The following AAK1 variants were observed in gnomAD, a reference collection of about 807,000 sequenced individuals.
The protein encoded by AAK1 is AP2-associated protein kinase 1.
AAK1 carries 37 observed loss-of-function variants against 116.0 expected under a neutral mutation model. The ratio of observed to expected loss-of-function variants is 0.32; its 90% CI spans 0.25 to 0.42. AAK1 has a LOEUF of 0.42. AAK1 is among the 10% of genes least tolerant of loss of function. The pLI, the probability that AAK1 is intolerant of heterozygous loss-of-function variation, is 1.00. For synonymous variants in AAK1, 458 were observed against 439.9 expected, an observed-to-expected ratio of 1.04 and a Z score of -0.51; for missense variants, 919 against 1,170.6, an observed-to-expected ratio of 0.79 and a Z score of 3.14.
chr2:69,582,148 C>A (rs1440588030), intron 2 of AAK1, among the ~76,000 whole-genome samples: 1 of 152,034 alleles, frequency 6.6e-6, no homozygotes, highest in Non-Finnish European at 1.5e-5. Flanking sequence ...AAATAAATAG[C>A]TAAATGCTGA....
chr2:69,485,391 T>G (rs1675253562), intron 17 of AAK1, among the ~76,000 whole-genome samples: 6 of 152,220 alleles, frequency 3.9e-5, no homozygotes, highest in Admixed American at 3.9e-4. Flanking sequence ...TCCTCATCTG[T>G]AAAATGGAGA....
chr2:69,561,989 G>A (rs975967068), intron 2 of AAK1, among the ~76,000 whole-genome samples: 1 of 152,082 alleles, frequency 6.6e-6, no homozygotes, highest in Non-Finnish European at 1.5e-5. Flanking sequence ...ACCTGTTGAA[G>A]GACATGTGAA....
intron 5 of AAK1, among the ~76,000 whole-genome samples, 160 bp from the exon 6 acceptor site, chr2:69,532,322 C>G (rs1012167602): frequency 6.6e-6 from 1 of 152,088 alleles, no homozygotes; most frequent in African/African-American, 2.4e-5. Flanking sequence ...GGGGTCATCC[C>G]AAGTGGAACA....
At chr2:69,539,610 A>T (rs1450592764) in intron 5 of AAK1, among the ~76,000 whole-genome samples, 1 of 152,152 alleles carries the variant, frequency 6.6e-6, no homozygotes, top group African/African-American at 2.4e-5. Flanking sequence ...AATTTTACTC[A>T]TTGTTAAAGG....
At position 69,467,850 on chromosome 2, in the gene AAK1, T is replaced by C. The variant is rs923792012; in HGVS notation, c.*8019A>G. The C allele has an allele frequency of 1.6e-5, 16 of 985,278 alleles. No individual in the cohort carries two copies. Among genetic ancestry groups the C allele is most frequent in the Non-Finnish European group, 1.9e-5 (16 of 829,900 alleles). 61.0% of individuals were successfully genotyped at this position (985,278 alleles called of 1,614,324 possible). Reference sequence around the variant, plus strand: ...GAGACATTACATTGTAAAGAGAATGTAGAGAGAGGTCTGAACATTTTATAA... The same window carrying C: ...GAGACATTACATTGTAAAGAGAATGCAGAGAGAGGTCTGAACATTTTATAA... On this transcript the variant is annotated 3_prime_UTR_variant, in exon 22 of 22. Transcript: ENST00000409085.
intron 2 of AAK1, among the ~76,000 whole-genome samples, chr2:69,611,429 G>A (rs1011313629): frequency 2.0e-5 from 3 of 152,154 alleles, no homozygotes; most frequent in African/African-American, 7.2e-5. Flanking sequence ...AGACAACATT[G>A]AGACTTCCTT....
intron 16 of AAK1, among the ~76,000 whole-genome samples, chr2:69,500,664 A>AATATATATATATATATATATATATAT (rs34635707): frequency 6.6e-5 from 4 of 60,836 alleles, no homozygotes; most frequent in Admixed American, 2.1e-4. Flanking sequence ...AGTCCCTTAA[A>AATATATATATATATATATATATATAT]ATATATATAT....
chr2:69,578,863 G>A (rs1352155643), intron 2 of AAK1, among the ~76,000 whole-genome samples: 1 of 150,996 alleles, frequency 6.6e-6, no homozygotes, highest in Non-Finnish European at 1.5e-5. Flanking sequence ...GAGTGCAGTG[G>A]CGCGGTCTCG....
At chr2:69,630,962 C>CT (rs1455590541) in intron 2 of AAK1, among the ~76,000 whole-genome samples, 2 of 152,206 alleles carry the variant, frequency 1.3e-5, no homozygotes, top group African/African-American at 4.8e-5. Flanking sequence ...GAACAAAGGC[C>CT]TGTGGAACAG....
intron 3 of AAK1, among the ~76,000 whole-genome samples, chr2:69,549,090 T>G (rs954838645): frequency 6.6e-6 from 1 of 151,542 alleles, no homozygotes; most frequent in Non-Finnish European, 1.5e-5. Context: ...CAGGTAAGGC[T>G]GGGCTCGGTG....
chr2:69,542,675 T>A lies in AAK1; in HGVS notation c.392-10A>T. On this transcript the variant is annotated splice_polypyrimidine_tract_variant and intron_variant, in intron 4 of 21. Transcript: ENST00000409085. Reference sequence around the variant, plus strand: ...TTTACCACCTGGCCACCTGAGGGGGTACGTACAGGGCAAAGGAGACGTTAT... The same window carrying A: ...TTTACCACCTGGCCACCTGAGGGGGAACGTACAGGGCAAAGGAGACGTTAT... 1 of 1,613,234 alleles carries A rather than the reference T, an allele frequency of 6.2e-7. No individual in the cohort carries two copies. The highest frequency in any genetic ancestry group is 8.5e-7 in the Non-Finnish European group (1 of 1,179,774).
intron 2 of AAK1, among the ~76,000 whole-genome samples, chr2:69,622,306 GC>G (rs1674676205): frequency 6.6e-6 from 1 of 152,214 alleles, no homozygotes; most frequent in Admixed American, 6.5e-5. Context: ...CCATGCCTGA[GC>G]CTTCCCCCCT....
At chr2:69,492,226 T>C (rs1675550242) in intron 17 of AAK1, among the ~76,000 whole-genome samples, 1 of 152,170 alleles carries the variant, frequency 6.6e-6, no homozygotes, top group Non-Finnish European at 1.5e-5. Context: ...GAGTCTTTTT[T>C]TTTTTGAGAC....
At position 69,467,828 on chromosome 2, in the gene AAK1, A is replaced by G; in HGVS notation, c.*8041T>C. 6.1e-6 allele frequency: 6 copies of G among 985,444 alleles called. No homozygotes were observed. The highest frequency in any genetic ancestry group is 7.2e-6 in the Non-Finnish European group (6 of 829,902). The allele number at this position is 985,444 out of a possible 1,614,324, so 61.0% of individuals were successfully genotyped here. ...TTATTGGGAAACCAGTCACTTAGAG[A>G]CATTACATTGTAAAGAGAATGTAGA... On this transcript the variant is annotated 3_prime_UTR_variant, in exon 22 of 22. Transcript: ENST00000409085.
intron 16 of AAK1, among the ~76,000 whole-genome samples, chr2:69,498,195 C>G (rs1358782538): frequency 6.6e-6 from 1 of 152,224 alleles, no homozygotes; most frequent in Admixed American, 6.5e-5. Context: ...CCTGGGCCAT[C>G]AAATGTGGGA....
At chr2:69,539,450 C>T (rs965669250) in intron 5 of AAK1, among the ~76,000 whole-genome samples, 2 of 152,128 alleles carry the variant, frequency 1.3e-5, no homozygotes, top group African/African-American at 4.8e-5. Context: ...TCACATGGAT[C>T]ATAAGAGCGG....
At chr2:69,477,104 G>A (rs1674884120) in intron 20 of AAK1, 114 bp from the exon 21 acceptor site, 3 of 595,308 alleles carry the variant, frequency 5.0e-6, no homozygotes, top group Non-Finnish European at 8.4e-6. Flanking sequence ...ATTTTCAAAG[G>A]TGAAAGGATT....
At chr2:69,536,955 A>T (rs114793502) in intron 5 of AAK1, among the ~76,000 whole-genome samples, 3 of 152,270 alleles carry the variant, frequency 2.0e-5, no homozygotes, top group African/African-American at 7.2e-5. Context: ...CTCTTTTGAC[A>T]TGAATGTGCA....
In AAK1 at chr2:69,505,135, C is replaced by CA. The variant is rs1558917346; in HGVS notation, c.2269+433_2269+434insT. Reference sequence around the variant, plus strand: ...CGTGCGTGCGTGTGCGCACACACACCCACACACACACACACACACACAGTT... The same window carrying CA: ...CGTGCGTGCGTGTGCGCACACACACCACACACACACACACACACACACAGTT... On this transcript the variant is annotated intron_variant, in intron 16 of 21. Coordinates refer to ENST00000409085, the MANE Select transcript of AAK1 (RefSeq NM_014911.5). Among the ~76,000 whole-genome samples, 286 of 139,738 alleles carry CA rather than the reference C, an allele frequency of 2.0e-3. 2 individuals are homozygous for CA. Among genetic ancestry groups the CA allele is most frequent in the African/African-American group, 8.3e-3 (277 of 33,322 alleles). 91.7% of individuals were successfully genotyped at this position (139,738 alleles called of 152,430 possible).
Sources: gnomAD v4.1 joint callset for allele counts (sites outside exome capture counted in the v4.1 genomes callset) on GRCh38, gnomAD v4.1.1 for gene constraint, MANE v1.5 for transcripts, NCBI Gene and HGNC (gene_info 2026-07-23, HGNC 2026-07-21) for gene names.